The following WNT10A variants were observed in gnomAD, a reference collection of about 807,000 sequenced individuals.
WNT10A encodes the protein Wnt family member 10A.
In WNT10A, 37 loss-of-function variants were observed where a neutral mutation model predicts 36.1. The ratio of observed to expected loss-of-function variants is 1.02; its 90% confidence interval spans 0.79 to 1.35. The LOEUF is 1.35. WNT10A is among the 40% of genes most tolerant of loss of function. The pLI is 0.00. For synonymous variants in WNT10A, 255 were observed against 254.1 expected (o/e 1.00, Z -0.03); for missense variants, 613 against 601.4 (o/e 1.02, Z -0.20).
In WNT10A at chr2:218,892,749, C is replaced by A. The variant is rs753126904; in HGVS notation, c.757-25C>A. The A allele has an allele frequency of 6.4e-6, 10 of 1,567,586 alleles. No individual in the cohort carries two copies. In the East Asian group the frequency reaches 2.4e-4, roughly 37 times the overall value. On this transcript the variant is annotated intron_variant, in intron 3 of 3. Transcript: ENST00000258411. The stretch of plus-strand genomic sequence containing the variant: ...GGGAGTGGGGCTGCGCGCCGTGTCA[C>A]CCCTCACGGTGCCTCCCTCCGCAGG...
chr2:218,883,642 C>T (rs940818730), intron 2 of WNT10A, among the ~76,000 whole-genome samples: 25 of 151,662 alleles, frequency 1.6e-4, no homozygotes, highest in African/African-American at 5.6e-4. Context: ...GGCATGCAGC[C>T]GCGAACTAAT....
rs1944667840 is a variant in WNT10A at position 218,892,738 on chromosome 2, G to C, written c.757-36G>C. 20 of 1,557,474 alleles carry C rather than the reference G, an allele frequency of 1.3e-5. No homozygotes were observed. The East Asian group carries it at 4.5e-4, about 35-fold the overall frequency. On this transcript the variant is annotated intron_variant, in intron 3 of 3. Coordinates refer to ENST00000258411, the MANE Select transcript of WNT10A (RefSeq NM_025216.3). ...AGCGCTGGGAGGGGAGTGGGGCTGCGCGCCGTGTCACCCCTCACGGTGCCT... is the reference window on the plus strand; with the variant it reads ...AGCGCTGGGAGGGGAGTGGGGCTGCCCGCCGTGTCACCCCTCACGGTGCCT...
intron 3 of WNT10A, among the ~76,000 whole-genome samples, chr2:218,891,835 G>C (rs774893873): frequency 6.6e-6 from 1 of 152,154 alleles, no homozygotes; most frequent in Non-Finnish European, 1.5e-5. Flanking sequence ...GATCATTGCC[G>C]TCCCTGTCTC....
chr2:218,880,283 C>T (rs1392367084), upstream of WNT10A: 2 of 152,464 alleles, frequency 1.3e-5, no homozygotes, highest in Admixed American at 6.5e-5. This position sits in a 1 kb window ranked among gnomAD's most constrained non-coding sequence, Gnocchi z 7.7. Context: ...CACATATCCC[C>T]CACACAACCC....
At chr2:218,881,560 GTGTGTGTGTT>G (rs1404023823) in intron 1 of WNT10A, among the ~76,000 whole-genome samples, 2 of 152,148 alleles carry the variant, frequency 1.3e-5, no homozygotes, top group South Asian at 4.1e-4. Flanking sequence ...GTGTGTGTGT[GTGTGTGTGTT>G]TTCAATCGAG....
intron 1 of WNT10A, among the ~76,000 whole-genome samples, chr2:218,881,650 T>G (rs1234691071): frequency 6.6e-6 from 1 of 151,994 alleles, no homozygotes; most frequent in African/African-American, 2.4e-5. Flanking sequence ...ATGTGAGAGC[T>G]CATGGGTCAA....
chr2:218,876,062 T>C (rs1447739965), upstream of WNT10A, among the ~76,000 whole-genome samples: 1 of 152,220 alleles, frequency 6.6e-6, no homozygotes, highest in African/African-American at 2.4e-5. Context: ...CTGCCTCTCT[T>C]GGCATACTGT....
upstream of WNT10A, among the ~76,000 whole-genome samples, chr2:218,879,710 TG>T (rs1944487601): frequency 6.6e-6 from 1 of 152,184 alleles, no homozygotes; most frequent in Non-Finnish European, 1.5e-5. Context: ...CACTCAGTGT[TG>T]GGGAGGCAGC....
At position 218,885,410 on chromosome 2, in the gene WNT10A, C is replaced by T. The variant is rs1170354216; in HGVS notation, c.376+2987C>T. Among the ~76,000 whole-genome samples the T allele has an allele frequency of 2.0e-5, 3 of 152,156 alleles. No homozygotes were observed. In the East Asian group the frequency reaches 5.8e-4, roughly 29 times the overall value. On this transcript the variant is annotated intron_variant, in intron 2 of 3. Transcript: ENST00000258411. ...GTGGATCACTGTGAGGTACAGAGAA[C>T]CCCTTCTCTCACTGTGGACATGAGG...
upstream of WNT10A, chr2:218,880,620 TCCCGGCGCTGCGCTGGAGGGTTC>T (rs1944499207): frequency 4.9e-6 from 1 of 203,152 alleles, no homozygotes; most frequent in African/African-American, 2.4e-5. This position sits in a 1 kb window ranked among gnomAD's most constrained non-coding sequence, Gnocchi z 7.7. Flanking sequence ...AAGCGCAGGC[TCCCGGCGCTGCGCTGGAGGGTTC>T]CCCGGCACCC....
upstream of WNT10A, among the ~76,000 whole-genome samples, chr2:218,878,069 C>A (rs552631220): frequency 6.6e-6 from 1 of 152,196 alleles, no homozygotes; most frequent in Non-Finnish European, 1.5e-5. This position sits in a 1 kb window ranked among gnomAD's most constrained non-coding sequence, Gnocchi z 4.1. Flanking sequence ...CCCCCGCCCC[C>A]CAGTGGCCCC....
rs1944529568 is a variant in WNT10A at position 218,882,398 on chromosome 2, C to T, written c.351C>T (p.Pro117=). ...CSSLETRNKI[P]YESPIFSRGF... is the part of the protein sequence containing the mutation. ...GCCTGGAGACTCGCAACAAGATCCC[C>T]TATGAGAGTCCCATCTTCAGCAGAG... The change falls in exon 2 of 4, where the codon CCC becomes CCT. Residue 117 remains proline (P), a synonymous_variant. Coordinates refer to ENST00000258411, the MANE Select transcript of WNT10A (RefSeq NM_025216.3). 7 of 1,614,182 alleles carry T rather than the reference C, an allele frequency of 4.3e-6. No homozygotes were observed. Among genetic ancestry groups the T allele is most frequent in the African/African-American group, 2.7e-5 (2 of 75,048 alleles).
chr2:218,884,976 C>T (rs1372587593), intron 2 of WNT10A, among the ~76,000 whole-genome samples: 1 of 152,188 alleles, frequency 6.6e-6, no homozygotes, highest in Non-Finnish European at 1.5e-5. Context: ...GTCCCTTGGG[C>T]CTTCTTTAAT....
At position 218,890,140 on chromosome 2, in the gene WNT10A, AACTG is replaced by A; in HGVS notation, c.534_537del (p.Leu179MetfsTer9). 6.2e-6 allele frequency: 10 copies of A among 1,614,128 alleles called. No individual in the cohort carries two copies. The highest frequency in any genetic ancestry group is 8.5e-6 in the Non-Finnish European group (10 of 1,180,024). On this transcript the variant is annotated frameshift_variant, in exon 3 of 4. Coordinates refer to ENST00000258411, the MANE Select transcript of WNT10A (RefSeq NM_025216.3). LOFTEE classifies it high-confidence loss of function. ...TTCCGTAGGAAGCTGCACCGCTTAC[AACTG>A]GATGCACTGCAGCGTGGTAAGGGCC... is the stretch of plus-strand genomic sequence containing the variant.
In WNT10A at chr2:218,892,872, C is replaced by T. The variant is rs1387940323; in HGVS notation, c.855C>T (p.Thr285=). Residue 285 remains threonine (T), a synonymous_variant, in exon 4 of 4, where the codon ACC becomes ACT. Coordinates refer to ENST00000258411, the MANE Select transcript of WNT10A (RefSeq NM_025216.3). Reference sequence around the variant, plus strand: ...GGCAGGTGACGCCCGAGTTCCGCACCGTGGGGGCGCTGCTGCGCAGCCGCT... The same window carrying T: ...GGCAGGTGACGCCCGAGTTCCGCACTGTGGGGGCGCTGCTGCGCAGCCGCT... ...TCWQVTPEFR[T]VGALLRSRFH... 3 of 1,576,236 alleles carry T rather than the reference C, an allele frequency of 1.9e-6. No homozygotes were observed. Among genetic ancestry groups the T allele is most frequent in the Admixed American group, 1.8e-5 (1 of 55,738 alleles).
At chr2:218,880,796 C>G (rs998742804), upstream of WNT10A, 2 of 508,348 alleles carry the variant, frequency 3.9e-6, no homozygotes, top group Non-Finnish European at 6.8e-6. This position sits in a 1 kb window ranked among gnomAD's most constrained non-coding sequence, Gnocchi z 7.7. Flanking sequence ...CACCCCCCGC[C>G]CCCCCCGAGG....
At chr2:218,889,171 G>A (rs904630165) in intron 2 of WNT10A, among the ~76,000 whole-genome samples, 27 of 152,184 alleles carry the variant, frequency 1.8e-4, no homozygotes, top group African/African-American at 5.6e-4. Flanking sequence ...GAGAACATAC[G>A]ATGTTTGGTT....
upstream of WNT10A, among the ~76,000 whole-genome samples, chr2:218,878,819 G>A (rs1373656061): frequency 2.0e-5 from 3 of 152,160 alleles, no homozygotes; most frequent in Non-Finnish European, 4.4e-5. The surrounding 1 kb of genome is among the most constrained non-coding windows in gnomAD (Gnocchi z 4.1). Flanking sequence ...CAGCCAATAA[G>A]AATATGACTC....
chr2:218,880,779 C>T (rs1944501538), upstream of WNT10A: 1 of 494,728 alleles, frequency 2.0e-6, no homozygotes, highest in Non-Finnish European at 3.5e-6. This position sits in a 1 kb window ranked among gnomAD's most constrained non-coding sequence, Gnocchi z 7.7. Flanking sequence ...CCGGTTCGCC[C>T]GCTCTTCACC....
Sources: allele counts gnomAD v4.1 joint callset (sites outside exome capture counted in the v4.1 genomes callset), GRCh38; gene constraint gnomAD v4.1.1; non-coding constraint Gnocchi (gnomAD v3.1); transcripts MANE v1.5; gene names NCBI Gene and HGNC (gene_info 2026-07-23, HGNC 2026-07-21).